EPB41L4B: variants seen among roughly 807,000 people sequenced by gnomAD.
EPB41L4B encodes the protein erythrocyte membrane protein band 4.1 like 4B.
A neutral mutation model predicts 112.5 loss-of-function variants in EPB41L4B; 30 were observed. The ratio of observed to expected loss-of-function variants is 0.27; its 90% CI spans 0.20 to 0.36. The LOEUF (loss-of-function observed/expected upper bound fraction) is 0.36. EPB41L4B is among the 10% of genes least tolerant of loss of function. The pLI is 1.00. For missense variants in EPB41L4B, 1,024 were observed against 1,133.3 expected (o/e 0.90, Z 1.38); for synonymous variants, 408 against 439.7 (o/e 0.93, Z 0.90).
chr9:109,302,448 T>A (rs1386826254), intron 1 of EPB41L4B, among the ~76,000 whole-genome samples: 1 of 152,200 alleles, frequency 6.6e-6, no homozygotes, highest in African/African-American at 2.4e-5. Context: ...TTTGAAGACC[T>A]TATCCCCAAA....
At chr9:109,210,020 A>T (rs545031251) in intron 17 of EPB41L4B, among the ~76,000 whole-genome samples, 1 of 152,328 alleles carries the variant, frequency 6.6e-6, no homozygotes, top group East Asian at 1.9e-4. Context: ...ATGGTGCTCA[A>T]GTGAGAAAAA....
chr9:109,185,628 A>G (rs1331669664), intron 22 of EPB41L4B, 23 bp from the exon 23 acceptor site: 3 of 1,567,034 alleles, frequency 1.9e-6, no homozygotes, highest in Non-Finnish European at 2.6e-6. Flanking sequence ...AGAGGAGAGA[A>G]GGGGAGGAGG....
At chr9:109,319,796 G>A (rs1481312606) in intron 1 of EPB41L4B, among the ~76,000 whole-genome samples, 1 of 152,090 alleles carries the variant, frequency 6.6e-6, no homozygotes, top group Non-Finnish European at 1.5e-5. Flanking sequence ...GGGACGGAAG[G>A]GGAGCGCCGG....
intron 15 of EPB41L4B, among the ~76,000 whole-genome samples, chr9:109,236,418 TA>T (rs35103664): frequency 0.011 from 1,585 of 140,368 alleles, 13 homozygotes; most frequent in African/African-American, 0.031. Flanking sequence ...TATGCCTATT[TA>T]AAAAAAAAAA....
At chr9:109,240,842 C>T (rs1834330977) in intron 15 of EPB41L4B, 13 of 985,424 alleles carry the variant, frequency 1.3e-5, no homozygotes, top group Non-Finnish European at 1.4e-5. Context: ...TCTGAAATCA[C>T]GCAAGTTAGC....
At chr9:109,269,370 C>A (rs1288690617) in intron 2 of EPB41L4B, among the ~76,000 whole-genome samples, 1 of 152,196 alleles carries the variant, frequency 6.6e-6, no homozygotes, top group Non-Finnish European at 1.5e-5. Flanking sequence ...ATTACAAAAT[C>A]ATCTGCCTCA....
At chr9:109,263,300 G>A (rs1325087688) in intron 5 of EPB41L4B, among the ~76,000 whole-genome samples, 198 bp from the exon 6 acceptor site, 1 of 152,016 alleles carries the variant, frequency 6.6e-6, no homozygotes, top group Non-Finnish European at 1.5e-5. Context: ...CTCATCATAG[G>A]GCAAAATAAC....
intron 1 of EPB41L4B, among the ~76,000 whole-genome samples, chr9:109,305,078 T>C (rs921612378): frequency 3.3e-5 from 5 of 152,026 alleles, no homozygotes; most frequent in African/African-American, 1.2e-4. Flanking sequence ...AATAATGCCA[T>C]CTATTGCTTG....
chr9:109,249,143 A>G (rs1834684614), intron 13 of EPB41L4B, among the ~76,000 whole-genome samples: 1 of 151,708 alleles, frequency 6.6e-6, no homozygotes, highest in East Asian at 1.9e-4. Flanking sequence ...TGTGCTTGAA[A>G]TCAAGTGTTA....
At position 109,256,236 on chromosome 9, in the gene EPB41L4B, C is replaced by T. The variant is rs180696393; in HGVS notation, c.841-12G>A. The T allele has an allele frequency of 7.0e-5, 113 of 1,613,124 alleles. 1 individual carries two copies. In the Admixed American group the frequency reaches 7.7e-4, roughly 11 times the overall value. On this transcript the variant is annotated splice_polypyrimidine_tract_variant and intron_variant, in intron 8 of 25. Transcript: ENST00000374566. ...CAGCCATCTCTTCCCTACAAACAAA[C>T]GAAGTGACAATCGGTAGAGGGTTCT...
At chr9:109,226,721 A>G (rs1197740891) in intron 15 of EPB41L4B, among the ~76,000 whole-genome samples, 3 of 138,052 alleles carry the variant, frequency 2.2e-5, no homozygotes, top group African/African-American at 7.9e-5. Flanking sequence ...GAATATATAT[A>G]TGAAGTATAT....
intron 1 of EPB41L4B, among the ~76,000 whole-genome samples, chr9:109,302,946 T>C (rs538533296): frequency 3.9e-5 from 6 of 152,056 alleles, no homozygotes; most frequent in African/African-American, 1.4e-4. Context: ...CTGGGTGCAG[T>C]AGCATGCGCC....
intron 1 of EPB41L4B, among the ~76,000 whole-genome samples, chr9:109,319,133 G>A (rs956946672): frequency 1.3e-5 from 2 of 152,240 alleles, no homozygotes; most frequent in Non-Finnish European, 2.9e-5. Flanking sequence ...CGAAGGCACC[G>A]TCTGCCGCAG....
At chr9:109,286,861 C>G (rs78474783) in intron 1 of EPB41L4B, among the ~76,000 whole-genome samples, 12 of 152,304 alleles carry the variant, frequency 7.9e-5, no homozygotes, top group Non-Finnish European at 1.8e-4. Context: ...GATCCCCGTT[C>G]TGAAATGCAA....
chr9:109,293,714 A>C (rs1836624571), intron 1 of EPB41L4B, among the ~76,000 whole-genome samples: 1 of 151,694 alleles, frequency 6.6e-6, no homozygotes, highest in African/African-American at 2.4e-5. Flanking sequence ...AAAAAAAAAA[A>C]AAAAAACATA....
chr9:109,290,932 C>T (rs1057206767), intron 1 of EPB41L4B, among the ~76,000 whole-genome samples: 8 of 152,082 alleles, frequency 5.3e-5, no homozygotes, highest in African/African-American at 1.7e-4. Flanking sequence ...GTAAGAAATA[C>T]CATCTCAGCC....
chr9:109,189,301 G>A (rs770734399), intron 22 of EPB41L4B, among the ~76,000 whole-genome samples: 1 of 152,214 alleles, frequency 6.6e-6, no homozygotes, highest in Non-Finnish European at 1.5e-5. Flanking sequence ...AGAGGAAAAG[G>A]TTTGGGAAAA....
At chr9:109,251,399 T>C (rs1437361020) in intron 13 of EPB41L4B, 82 bp downstream of exon 13, 1 of 1,345,794 alleles carries the variant, frequency 7.4e-7, no homozygotes, top group African/African-American at 1.4e-5. Context: ...CTGATTTCAC[T>C]GTAGTAAGGA....
At chr9:109,313,826 G>C (rs1345157196) in intron 1 of EPB41L4B, among the ~76,000 whole-genome samples, 1 of 152,182 alleles carries the variant, frequency 6.6e-6, no homozygotes, top group Non-Finnish European at 1.5e-5. Context: ...GTGCTGAGGT[G>C]GGAGTAGACA....
Sources: gnomAD v4.1 joint callset for allele counts (sites outside exome capture counted in the v4.1 genomes callset) on GRCh38, gnomAD v4.1.1 for gene constraint, MANE v1.5 for transcripts, NCBI Gene and HGNC (gene_info 2026-07-23, HGNC 2026-07-21) for gene names.